The following LRCH3 variants were observed in gnomAD, a reference collection of about 807,000 sequenced individuals.
The protein encoded by LRCH3 is leucine rich repeats and calponin homology domain containing 3, also known as DISP complex protein LRCH3.
LRCH3 carries 68 observed loss-of-function variants against 104.5 expected under a neutral mutation model. That is an observed-to-expected ratio of 0.65 (90% CI 0.54 to 0.80). LRCH3 has a LOEUF of 0.80. Ranked by LOEUF, LRCH3 falls within the 30% of genes least tolerant of loss-of-function variation. LRCH3 has a pLI of 0.00. For missense variants in LRCH3, 951 were observed against 953.9 expected (o/e 1.00, Z 0.04); for synonymous variants, 344 against 361.3 (o/e 0.95, Z 0.54).
chr3:197,846,632 G>GT (rs199895770), intron 10 of LRCH3, among the ~76,000 whole-genome samples: 6,437 of 151,680 alleles, frequency 0.042, 496 homozygotes, highest in African/African-American at 0.15. Context: ...ATGATGATGG[G>GT]TTTTTTTTGG....
At chr3:197,835,864 A>C in intron 9 of LRCH3, 42 bp downstream of exon 9, 1 of 1,595,590 alleles carries the variant, frequency 6.3e-7, no homozygotes, top group African/African-American at 1.3e-5. Flanking sequence ...CTATCCCTTC[A>C]TAAAAATAAT....
chr3:197,795,095 T>C (rs1449082305), intron 1 of LRCH3, among the ~76,000 whole-genome samples: 1 of 152,146 alleles, frequency 6.6e-6, no homozygotes, highest in Non-Finnish European at 1.5e-5. Context: ...AGGAAAGTCT[T>C]AGAAGACATC....
chr3:197,826,460 A>G (rs548745394), intron 4 of LRCH3, among the ~76,000 whole-genome samples: 1 of 152,280 alleles, frequency 6.6e-6, no homozygotes, highest in South Asian at 2.1e-4. Flanking sequence ...TTTTTGATTC[A>G]ATTTCACTAG....
In LRCH3 at chr3:197,887,005, G is replaced by A. The variant is rs1714251925; in HGVS notation, c.*3339G>A. ...ATTTTTATCAAACTAAATCAGATTT[G>A]TATTTGAATTGTTAGGAAAAACCAT... On this transcript the variant is annotated 3_prime_UTR_variant, in exon 21 of 21. Transcript: ENST00000425562. 1 of 152,076 alleles carries A rather than the reference G, an allele frequency of 6.6e-6. No individual in the cohort carries two copies. Among genetic ancestry groups the A allele is most frequent in the South Asian group, 2.1e-4 (1 of 4,824 alleles). 9.4% of individuals were successfully genotyped at this position (152,076 alleles called of 1,614,324 possible). A position where few individuals can be genotyped will look rare whatever the true frequency, so the allele number is the denominator to read the frequency against.
At chr3:197,871,274 A>G (rs779059516) in intron 18 of LRCH3, 51 bp from the exon 19 acceptor site, 6 of 1,361,832 alleles carry the variant, frequency 4.4e-6, no homozygotes, top group Non-Finnish European at 6.3e-6. Context: ...CTTATGTCCT[A>G]TATGTCAGTC....
chr3:197,865,898 A>G (rs960144724), intron 16 of LRCH3, among the ~76,000 whole-genome samples: 1 of 151,870 alleles, frequency 6.6e-6, no homozygotes, highest in Non-Finnish European at 1.5e-5. Context: ...TTCTGCCTTT[A>G]TTGATAACAC....
chr3:197,837,679 C>G (rs1296365121), intron 9 of LRCH3, among the ~76,000 whole-genome samples: 1 of 151,940 alleles, frequency 6.6e-6, no homozygotes, highest in Admixed American at 6.6e-5. Flanking sequence ...TTTAATTAAA[C>G]CAATGTCACA....
At chr3:197,825,520 C>T (rs1242682121) in intron 4 of LRCH3, among the ~76,000 whole-genome samples, 2 of 116,112 alleles carry the variant, frequency 1.7e-5, no homozygotes, top group Non-Finnish European at 3.3e-5. Flanking sequence ...TGCTCTGTCT[C>T]CCAGGCTGGA....
intron 20 of LRCH3, chr3:197,880,422 G>C: frequency 1.0e-6 from 1 of 980,672 alleles, no homozygotes; most frequent in Non-Finnish European, 1.6e-6. Context: ...ATATGACTGA[G>C]ATGATCATAT....
intron 20 of LRCH3, among the ~76,000 whole-genome samples, chr3:197,879,028 A>ATACT (rs1313332902): frequency 1.3e-5 from 2 of 152,256 alleles, no homozygotes; most frequent in Non-Finnish European, 2.9e-5. Flanking sequence ...TATGAGTGAA[A>ATACT]TACTGAAGAA....
At chr3:197,835,859 C>T (rs375558813) in intron 9 of LRCH3, 37 bp downstream of exon 9, 1 of 1,596,372 alleles carries the variant, frequency 6.3e-7, no homozygotes, top group African/African-American at 1.3e-5. Flanking sequence ...TGTTGCTATC[C>T]CTTCATAAAA....
At chr3:197,807,038 CAA>C (rs56019320) in intron 1 of LRCH3, among the ~76,000 whole-genome samples, 5,372 of 143,858 alleles carry the variant, frequency 0.037, 172 homozygotes, top group African/African-American at 0.08. Context: ...GACCCTGTGT[CAA>C]AAAAAAAAAA....
At chr3:197,857,472 G>A (rs553721477) in intron 14 of LRCH3, among the ~76,000 whole-genome samples, 2 of 137,780 alleles carry the variant, frequency 1.5e-5, no homozygotes, top group Non-Finnish European at 3.1e-5. Context: ...TCTTCGTTCT[G>A]CCCCTCAAGC....
At chr3:197,879,490 C>CA (rs1351562088) in intron 20 of LRCH3, among the ~76,000 whole-genome samples, 16 of 150,864 alleles carry the variant, frequency 1.1e-4, no homozygotes, top group Middle Eastern at 3.4e-3. Context: ...ACTAAAAATA[C>CA]AAAAAATTAG....
chr3:197,840,617 C>T (rs550737529), intron 10 of LRCH3, among the ~76,000 whole-genome samples: 13 of 152,258 alleles, frequency 8.5e-5, no homozygotes, highest in South Asian at 8.3e-4. Flanking sequence ...AGTCTTGGTA[C>T]ACCTATTCTT....
chr3:197,819,910 A>G (rs1204650472), intron 3 of LRCH3, among the ~76,000 whole-genome samples: 4 of 152,254 alleles, frequency 2.6e-5, no homozygotes, highest in Admixed American at 1.3e-4. Context: ...AGGCCTTACC[A>G]TGTTGCCCAC....
chr3:197,853,235 G>T (rs1739861609), intron 13 of LRCH3, among the ~76,000 whole-genome samples: 1 of 151,752 alleles, frequency 6.6e-6, no homozygotes, highest in African/African-American at 2.4e-5. Context: ...TGTCACCCAG[G>T]CTGGAGTGCA....
At chr3:197,839,527 G>A in intron 10 of LRCH3, 130 bp downstream of exon 10, 3 of 530,752 alleles carry the variant, frequency 5.7e-6, no homozygotes, top group South Asian at 3.2e-5. Context: ...GAGCGACGGT[G>A]TGCTTTTTTG....
intron 20 of LRCH3, among the ~76,000 whole-genome samples, chr3:197,879,513 G>GAA (rs1580916348): frequency 6.6e-6 from 1 of 151,482 alleles, no homozygotes; most frequent in African/African-American, 2.5e-5. Context: ...GGGCGTGGTG[G>GAA]CGGGCGCCTG....
Sources: gnomAD v4.1 joint callset for allele counts (sites outside exome capture counted in the v4.1 genomes callset) on GRCh38, gnomAD v4.1.1 for gene constraint, MANE v1.5 for transcripts, NCBI Gene and HGNC (gene_info 2026-07-23, HGNC 2026-07-21) for gene names.